The following KLHL29 variants were observed in gnomAD, a reference collection of about 807,000 sequenced individuals.
KLHL29 encodes kelch like family member 29.
Under a neutral mutation model 80.4 loss-of-function variants are expected in KLHL29, and 21 were observed. The ratio of observed to expected loss-of-function variants is 0.26; its 90% CI spans 0.19 to 0.38. KLHL29 has a LOEUF of 0.38. KLHL29 is among the 10% of genes least tolerant of loss of function. The probability of loss-of-function intolerance (pLI) is 1.00; values close to 1 mark genes in which losing one functional copy is unlikely to be tolerated. For synonymous variants in KLHL29, 511 were observed against 526.8 expected (o/e 0.97, Z 0.41); for missense variants, 867 against 1,223.9 (o/e 0.71, Z 4.35).
At chr2:23,471,644 A>G (rs1037945739) in intron 1 of KLHL29, among the ~76,000 whole-genome samples, 2 of 152,210 alleles carry the variant, frequency 1.3e-5, no homozygotes, top group Admixed American at 6.5e-5. Context: ...AATAAATTAG[A>G]GTCCTCTGTC....
intron 2 of KLHL29, among the ~76,000 whole-genome samples, chr2:23,533,449 T>G (rs903570270): frequency 6.6e-6 from 1 of 152,138 alleles, no homozygotes; most frequent in Non-Finnish European, 1.5e-5. Context: ...TTCATGGCAT[T>G]TGGCGTCAGA....
intron 2 of KLHL29, among the ~76,000 whole-genome samples, chr2:23,492,054 G>A (rs887387645): frequency 1.6e-4 from 25 of 152,100 alleles, no homozygotes; most frequent in Admixed American, 1.4e-3. Flanking sequence ...TTTCCCTCCA[G>A]TTCCTCTGGT....
rs567408019 is a variant in KLHL29, at chr2:23,420,465, G to A, written c.-154+34685G>A. Reference sequence around the variant, plus strand: ...CACAGGCCCGCTGGCTCCCGAGACCGGGCTGTCTGGAGTCCTCCATGCGTC... The same window carrying A: ...CACAGGCCCGCTGGCTCCCGAGACCAGGCTGTCTGGAGTCCTCCATGCGTC... On this transcript the variant is annotated intron_variant, in intron 1 of 13. Coordinates refer to ENST00000486442, the MANE Select transcript of KLHL29 (RefSeq NM_052920.2). Among the ~76,000 whole-genome samples, 260 of 152,298 alleles carry A rather than the reference G, an allele frequency of 1.7e-3. 2 individuals are homozygous for A. The highest frequency in any genetic ancestry group is 6.0e-3 in the African/African-American group (249 of 41,574).
At chr2:23,561,778 C>T (rs1003705487) in intron 2 of KLHL29, among the ~76,000 whole-genome samples, 12 of 152,050 alleles carry the variant, frequency 7.9e-5, no homozygotes, top group African/African-American at 2.7e-4. Flanking sequence ...GAGGAAAACA[C>T]GTCCTGAGGA....
chr2:23,610,380 G>C (rs949162363), intron 3 of KLHL29, among the ~76,000 whole-genome samples: 4 of 152,202 alleles, frequency 2.6e-5, no homozygotes, highest in Admixed American at 2.0e-4. Flanking sequence ...AGAATCTGCT[G>C]CTCTTTGAGA....
intron 2 of KLHL29, among the ~76,000 whole-genome samples, chr2:23,530,895 A>G (rs1452725184): frequency 6.6e-6 from 1 of 152,204 alleles, no homozygotes; most frequent in Admixed American, 6.5e-5. Flanking sequence ...TTAGAAATGG[A>G]AAACCTGAAG....
chr2:23,456,272 A>G (rs1178927371), intron 1 of KLHL29, among the ~76,000 whole-genome samples: 1 of 152,198 alleles, frequency 6.6e-6, no homozygotes, highest in Non-Finnish European at 1.5e-5. Context: ...CAAGGCAGAG[A>G]AGACTGCCGG....
At chr2:23,466,904 G>A (rs968847729) in intron 1 of KLHL29, among the ~76,000 whole-genome samples, 2 of 152,188 alleles carry the variant, frequency 1.3e-5, no homozygotes, top group Non-Finnish European at 2.9e-5. Flanking sequence ...GACTTTCCTG[G>A]AAGCTCTTTA....
chr2:23,703,138 C>T (rs901093969), intron 11 of KLHL29, 48 bp from the exon 12 acceptor site: 23 of 1,336,576 alleles, frequency 1.7e-5, no homozygotes, highest in Non-Finnish European at 2.0e-5. Context: ...ACCTCTGCCC[C>T]GCACAAGGTC....
At chr2:23,388,900 G>A (rs1479085869) in intron 1 of KLHL29, among the ~76,000 whole-genome samples, 2 of 151,130 alleles carry the variant, frequency 1.3e-5, no homozygotes, top group Admixed American at 6.6e-5. Context: ...TTTTGGCTGG[G>A]AGACATCAAT....
chr2:23,443,194 C>T (rs760028336), intron 1 of KLHL29, among the ~76,000 whole-genome samples: 6 of 152,108 alleles, frequency 3.9e-5, no homozygotes, highest in Non-Finnish European at 7.3e-5. Flanking sequence ...TTTATATGTG[C>T]ATGCATATCT....
At chr2:23,525,119 C>T (rs1164414966) in intron 2 of KLHL29, among the ~76,000 whole-genome samples, 1 of 152,214 alleles carries the variant, frequency 6.6e-6, no homozygotes, top group Non-Finnish European at 1.5e-5. Context: ...GGAGGGGAGG[C>T]CAAATGCCTG....
At chr2:23,439,728 C>T (rs1055715969) in intron 1 of KLHL29, among the ~76,000 whole-genome samples, 3 of 150,500 alleles carry the variant, frequency 2.0e-5, no homozygotes, top group African/African-American at 7.3e-5. Context: ...GCTTTACTTC[C>T]AAGTATGTGG....
At chr2:23,533,102 G>A (rs1231492512) in intron 2 of KLHL29, among the ~76,000 whole-genome samples, 2 of 152,158 alleles carry the variant, frequency 1.3e-5, no homozygotes, top group Non-Finnish European at 1.5e-5. Context: ...GCGTCTCTCA[G>A]TTTTTCCTGA....
Position 23,695,574 on chromosome 2 carries a change from T to C in KLHL29, c.1543-49T>C, listed in dbSNP as rs777886021. 16 of 1,304,786 alleles carry C rather than the reference T, an allele frequency of 1.2e-5. No homozygotes were observed. The highest frequency in any genetic ancestry group is 1.6e-5 in the Non-Finnish European group (15 of 951,126). The allele number at this position is 1,304,786 out of a possible 1,614,324, so 80.8% of individuals were successfully genotyped here. ...ACACCATTTCTTTCCGTCCGGGAGG[T>C]GGCTCTCTCTTGCTAGTCTAAGAAG... On this transcript the variant is annotated intron_variant, in intron 8 of 13. Transcript: ENST00000486442. The surrounding 1 kb of genome is among the most constrained non-coding windows in gnomAD (Gnocchi z 7.6).
chr2:23,517,524 G>A (rs970709783), intron 2 of KLHL29, among the ~76,000 whole-genome samples: 3 of 152,234 alleles, frequency 2.0e-5, no homozygotes, highest in East Asian at 1.9e-4. Context: ...CCAGCCTGCC[G>A]ACAGAGCGAG....
intron 5 of KLHL29, among the ~76,000 whole-genome samples, chr2:23,656,519 T>C (rs1042870297): frequency 6.6e-6 from 1 of 152,256 alleles, no homozygotes; most frequent in South Asian, 2.1e-4. Flanking sequence ...ACCCGACTTC[T>C]GGGGCCATTC....
At chr2:23,446,327 G>T (rs1303634482) in intron 1 of KLHL29, among the ~76,000 whole-genome samples, 2 of 151,856 alleles carry the variant, frequency 1.3e-5, no homozygotes, top group Admixed American at 6.6e-5. Flanking sequence ...TTCCACATGG[G>T]GTCTATTTGC....
In KLHL29 at chr2:23,639,245, C is replaced by T; in HGVS notation, c.392C>T (p.Pro131Leu). 6.5e-7 allele frequency: 1 copy of T among 1,548,940 alleles called. No individual in the cohort carries two copies. Among genetic ancestry groups the T allele is most frequent in the Non-Finnish European group, 8.7e-7 (1 of 1,145,822 alleles). ...NQSTPWDTDE[P>L]PSKQMRESDN... ...TCCACACCCTGGGACACTGATGAGC[C>T]ACCCTCCAAACAGATGAGAGAGAGT... The change falls in exon 4 of 14, where the codon CCA becomes CTA. Residue 131 changes from proline (P) to leucine (L), a missense_variant. By Grantham distance (98) the Pro-to-Leu change is moderately conservative. Coordinates refer to ENST00000486442, the MANE Select transcript of KLHL29 (RefSeq NM_052920.2).
Sources: allele counts gnomAD v4.1 joint callset (sites outside exome capture counted in the v4.1 genomes callset), GRCh38; gene constraint gnomAD v4.1.1; non-coding constraint Gnocchi (gnomAD v3.1); transcripts MANE v1.5; gene names NCBI Gene and HGNC (gene_info 2026-07-23, HGNC 2026-07-21).